The following SPTBN5 variants were observed in gnomAD, a reference collection of about 807,000 sequenced individuals.
The protein encoded by SPTBN5 is spectrin beta, non-erythrocytic 5.
Under a neutral mutation model 477.6 loss-of-function variants are expected in SPTBN5, and 513 were observed. The ratio of observed to expected loss-of-function variants is 1.07; its 90% confidence interval spans 1.00 to 1.16. SPTBN5 has a LOEUF of 1.16. Among genes scored for constraint, SPTBN5 ranks in the 50% most tolerant of loss-of-function variants. The pLI is 0.00. For synonymous variants in SPTBN5, 2,169 were observed against 2,011.7 expected (o/e 1.08, Z -2.09); for missense variants, 5,062 against 4,731.8 (o/e 1.07, Z -2.05).
intron 67 of SPTBN5, 120 bp from the exon 68 acceptor site, chr15:41,848,748 G>A: frequency 8.3e-7 from 1 of 1,207,130 alleles, no homozygotes; most frequent in Non-Finnish European, 1.2e-6. Context: ...ATAAGCGTGG[G>A]AGTGGATTCC....
chr15:41,890,427 C>T (rs927729263), intron 3 of SPTBN5, among the ~76,000 whole-genome samples: 1 of 152,248 alleles, frequency 6.6e-6, no homozygotes, highest in African/African-American at 2.4e-5. Context: ...GGTGAAGCCC[C>T]AACCTGGTGA....
At chr15:41,860,794 C>A in intron 46 of SPTBN5, 36 bp from the exon 47 acceptor site, 2 of 1,449,638 alleles carry the variant, frequency 1.4e-6, no homozygotes, top group South Asian at 1.5e-5. Flanking sequence ...TGTCCATGAG[C>A]CTCCCCCTCC....
In SPTBN5 at chr15:41,883,210, C is replaced by G. The variant is rs754035949; in HGVS notation, c.1678G>C (p.Ala560Pro). Residue 560 changes from alanine (A) to proline (P), a missense_variant, in exon 9 of 68, where the codon GCC (alanine) becomes CCC (proline). By Grantham distance (27) the Ala-to-Pro change is conservative. Transcript: ENST00000320955. Reference protein sequence around the residue: ...EELQEPARSTACGQQLAEVVE... With the variant: ...EELQEPARSTPCGQQLAEVVE... ...ACTTCTGCCAGCTGCTGCCCACAGGCGGTGGACCTGGCCGGCTCCTGGCCA... is the reference window on the plus strand; with the variant it reads ...ACTTCTGCCAGCTGCTGCCCACAGGGGGTGGACCTGGCCGGCTCCTGGCCA... The G allele has an allele frequency of 3.1e-6, 5 of 1,611,010 alleles. No homozygotes were observed. Among genetic ancestry groups the G allele is most frequent in the Non-Finnish European group, 4.2e-6 (5 of 1,178,894 alleles).
chr15:41,885,738 C>T lies in SPTBN5; in HGVS notation c.1517G>A (p.Arg506His), dbSNP rs769947517. ...EQYHSWADVA[R>H]RQEEVTVRWQ... ...GAGTTCATGTGCTGGGGCTCACCTG[C>T]GGGCCACATCTGCCCAGCTGTGGTA... is the stretch of plus-strand genomic sequence containing the variant. Residue 506 changes from arginine to histidine, a missense_variant, in exon 7 of 68, where the codon CGC becomes CAC. Arg to His is a conservative substitution (Grantham distance 29, BLOSUM62 0). Transcript: ENST00000320955. 1.6e-5 allele frequency: 25 copies of T among 1,553,178 alleles called. No individual in the cohort carries two copies. The East Asian group carries it at 2.2e-4, about 14-fold the overall frequency.
Position 41,852,063 on chromosome 15 carries a change from G to C in SPTBN5, c.10584+119C>G. On this transcript the variant is annotated intron_variant, in intron 62 of 67. Transcript: ENST00000320955. ...TTATTCCTAATGACCTTCAGCTCCT[G>C]TGCCCGGGCTCCCAGCACTGGCTCC... 3 of 1,293,046 alleles carry C rather than the reference G, an allele frequency of 2.3e-6. No homozygotes were observed. The South Asian group carries it at 4.4e-5, about 19-fold the overall frequency. The allele number at this position is 1,293,046 out of a possible 1,614,324, so 80.1% of individuals were successfully genotyped here. A position where few individuals can be genotyped will look rare whatever the true frequency, so the allele number is the denominator to read the frequency against.
chr15:41,863,483 C>T (rs1046365815), intron 41 of SPTBN5, among the ~76,000 whole-genome samples: 1 of 152,190 alleles, frequency 6.6e-6, no homozygotes, highest in Non-Finnish European at 1.5e-5. Flanking sequence ...GACAGGGAAT[C>T]CCCCACTGAG....
chr15:41,865,850 C>T lies in SPTBN5; in HGVS notation c.6876G>A (p.Gln2292=). The T allele has an allele frequency of 6.3e-7, 1 of 1,581,716 alleles. No individual in the cohort carries two copies. The highest frequency in any genetic ancestry group is 8.6e-7 in the Non-Finnish European group (1 of 1,164,488). Reference sequence around the variant, plus strand: ...GGAACTCGCGGAGCCGCCGTCGGAGCTGCAGGCAGTGCTCCAGGTCCTGGC... The same window carrying T: ...GGAACTCGCGGAGCCGCCGTCGGAGTTGCAGGCAGTGCTCCAGGTCCTGGC... ...DLGQDLEHCL[Q]LRRRLREFRG... The change falls in exon 39 of 68, where the codon CAG becomes CAA. Residue 2292 remains glutamine (Q), a synonymous_variant. Coordinates refer to ENST00000320955, the MANE Select transcript of SPTBN5 (RefSeq NM_016642.4).
rs756278685 is a variant in SPTBN5 at position 41,865,813 on chromosome 15, C to T, written c.6913G>A (p.Ala2305Thr). Reference sequence around the variant, plus strand: ...ACCCAGCAAGGCCCTCTTACCCCGGCCGAGTTTCCTCGGAACTCGCGGAGC... The same window carrying T: ...ACCCAGCAAGGCCCTCTTACCCCGGTCGAGTTTCCTCGGAACTCGCGGAGC... ...RRLREFRGNS[A>T]GDTVGDACIR... Residue 2305 changes from alanine (A) to threonine (T), a missense_variant, in exon 39 of 68, where the codon GCC becomes ACC. Physicochemically the swap from Ala to Thr is moderately conservative, Grantham distance 58. Coordinates refer to ENST00000320955, the MANE Select transcript of SPTBN5 (RefSeq NM_016642.4). 2 of 1,558,904 alleles carry T rather than the reference C, an allele frequency of 1.3e-6. No individual in the cohort carries two copies. The highest frequency in any genetic ancestry group is 1.4e-5 in the African/African-American group (1 of 73,460).
intron 52 of SPTBN5, 76 bp from the exon 53 acceptor site, chr15:41,856,674 C>T (rs866737491): frequency 2.1e-5 from 30 of 1,425,058 alleles, no homozygotes; most frequent in East Asian, 1.2e-4. Context: ...TGAAGTTTCA[C>T]GGGACCCCAC....
chr15:41,874,658 C>A (rs1296804028), intron 23 of SPTBN5, among the ~76,000 whole-genome samples, 180 bp from the exon 24 acceptor site: 1 of 152,210 alleles, frequency 6.6e-6, no homozygotes, highest in Non-Finnish European at 1.5e-5. Context: ...CTAGATGACT[C>A]GCGTGACTGC....
At position 41,882,073 on chromosome 15, in the gene SPTBN5, C is replaced by G. The variant is rs764696065; in HGVS notation, c.2320G>C (p.Gly774Arg). The change falls in exon 12 of 68, where the codon GGT (glycine) becomes CGT (arginine). Residue 774 changes from glycine to arginine, a missense_variant. Physicochemically the swap from Gly to Arg is moderately radical, Grantham distance 125 (BLOSUM62 -2). Transcript: ENST00000320955. ...RRSSLERASCGQDQAAAETLL... is the reference protein window; with the variant it reads ...RRSSLERASCRQDQAAAETLL... The stretch of plus-strand genomic sequence containing the variant: ...GTCTCGGCGGCCGCCTGGTCCTGAC[C>G]GCAGGACGCTCTCTCCAGCGAGGAT... The G allele has an allele frequency of 3.8e-5, 60 of 1,569,174 alleles. No individual in the cohort carries two copies. The Middle Eastern group carries it at 6.7e-4, about 18-fold the overall frequency.
intron 49 of SPTBN5, 57 bp from the exon 50 acceptor site, chr15:41,857,767 C>T: frequency 6.6e-7 from 1 of 1,508,898 alleles, no homozygotes; most frequent in Non-Finnish European, 8.9e-7. Flanking sequence ...TACCAGGGCA[C>T]TTGTGTTGAC....
At chr15:41,863,852 G>C in intron 40 of SPTBN5, 34 bp from the exon 41 acceptor site, 1 of 1,612,952 alleles carries the variant, frequency 6.2e-7, no homozygotes. Context: ...TGTGGAGCCT[G>C]AGGTGGCCTT....
rs886501350 is a variant in SPTBN5, at chr15:41,882,633, GGCCGCATTC to G, written c.1989_1997del (p.Asn664_Ala666del). ...CGATCTGGCTGAGATCCCGGCCCAG[GGCCGCATTC>G]CCCACCCGCTGTCCGCACTCCTTCA... On this transcript the variant is annotated inframe_deletion, in exon 10 of 68. Coordinates refer to ENST00000320955, the MANE Select transcript of SPTBN5 (RefSeq NM_016642.4). 1 of 1,607,450 alleles carries G rather than the reference GGCCGCATTC, an allele frequency of 6.2e-7. No individual in the cohort carries two copies. The highest frequency in any genetic ancestry group is 1.3e-5 in the African/African-American group (1 of 74,842).
At position 41,867,607 on chromosome 15, in the gene SPTBN5, C is replaced by G; in HGVS notation, c.6243G>C (p.Val2081=). 6.2e-7 allele frequency: 1 copy of G among 1,613,842 alleles called. No homozygotes were observed. Among genetic ancestry groups the G allele is most frequent in the African/African-American group, 1.3e-5 (1 of 75,054 alleles). Residue 2081 remains valine, a synonymous_variant, in exon 35 of 68, where the codon GTG becomes GTC. Coordinates refer to ENST00000320955, the MANE Select transcript of SPTBN5 (RefSeq NM_016642.4). ...TGCGAATCAACTGCTCTACCTCTTCCACCGAGCTCCCCAAGGCACTGGTTT... is the reference window on the plus strand; with the variant it reads ...TGCGAATCAACTGCTCTACCTCTTCGACCGAGCTCCCCAAGGCACTGGTTT... The part of the protein sequence containing the change: ...SLKTSALGSS[V]EEVEQLIRKH...
At position 41,880,294 on chromosome 15, in the gene SPTBN5, C is replaced by G. The variant is rs2066904088; in HGVS notation, c.2677G>C (p.Glu893Gln). ...ALAQLRRARLEEAMALFGFCS... is the reference protein window; with the variant it reads ...ALAQLRRARLQEAMALFGFCS... ...AAACCGAACAGGGCCATGGCCTCCT[C>G]CAACCGGGCCCTGCGGAGCTGGGGA... Residue 893 changes from glutamate (E) to glutamine (Q), a missense_variant, in exon 14 of 68, where the codon GAG (glutamate) becomes CAG (glutamine). Physicochemically the swap from Glu to Gln is conservative, Grantham distance 29. Transcript: ENST00000320955. 1 of 1,604,948 alleles carries G rather than the reference C, an allele frequency of 6.2e-7. No homozygotes were observed. Among genetic ancestry groups the G allele is most frequent in the Non-Finnish European group, 8.5e-7 (1 of 1,176,564 alleles).
In SPTBN5 at chr15:41,873,497, G is replaced by A; in HGVS notation, c.5002C>T (p.His1668Tyr). Residue 1668 changes from histidine (H) to tyrosine (Y), a missense_variant, in exon 26 of 68, where the codon CAC (histidine) becomes TAC (tyrosine). His to Tyr is a moderately conservative substitution (Grantham distance 83). Transcript: ENST00000320955. Reference protein sequence around the residue: ...EAATLRLINKHQALQEELAIY... With the variant: ...EAATLRLINKYQALQEELAIY... ...GGAGGCTCAGGACGTGGTACCTGGTGCTTGTTAATGAGCCTGAGGGTGGCT... is the reference window on the plus strand; with the variant it reads ...GGAGGCTCAGGACGTGGTACCTGGTACTTGTTAATGAGCCTGAGGGTGGCT... 6.4e-7 allele frequency: 1 copy of A among 1,551,098 alleles called. No individual in the cohort carries two copies. The highest frequency in any genetic ancestry group is 8.7e-7 in the Non-Finnish European group (1 of 1,146,468).
Position 41,872,369 on chromosome 15 carries a change from G to A in SPTBN5, c.5098C>T (p.Gln1700Ter). The A allele has an allele frequency of 6.2e-7, 1 of 1,611,244 alleles. No individual in the cohort carries two copies. ...QTLTGPEVPE[Q>*]QRVVQERLRE... ...AGCCTCTCCTGCACCACACGCTGCT[G>A]CTCAGGGACTTCGGGGCCAGTGAGG... is the stretch of plus-strand genomic sequence containing the variant. The change falls in exon 27 of 68, where the codon CAG becomes TAG. Residue 1700 changes from glutamine (Q) to a stop codon, truncating the protein, a stop_gained. Transcript: ENST00000320955. LOFTEE classifies it high-confidence loss of function.
chr15:41,881,285 G>C, intron 12 of SPTBN5, 51 bp from the exon 13 acceptor site: 3 of 1,511,038 alleles, frequency 2.0e-6, no homozygotes, highest in Non-Finnish European at 2.7e-6. Context: ...AAGCAGCAGG[G>C]GCTTTGGCCA....
Sources: allele counts gnomAD v4.1 joint callset (sites outside exome capture counted in the v4.1 genomes callset), GRCh38; gene constraint gnomAD v4.1.1; transcripts MANE v1.5; gene names NCBI Gene and HGNC (gene_info 2026-07-23, HGNC 2026-07-21).